Variants in CROCC observed in about 807,000 individuals in gnomAD.
The protein encoded by CROCC is rootletin.
CROCC carries 180 observed loss-of-function variants against 245.2 expected under a neutral mutation model. The ratio of observed to expected loss-of-function variants is 0.73; its 90% CI spans 0.65 to 0.83. The LOEUF (loss-of-function observed/expected upper bound fraction) is 0.83. CROCC is among the 40% of genes least tolerant of loss of function. The probability of loss-of-function intolerance (pLI) is 0.00; values close to 1 mark genes in which losing one functional copy is unlikely to be tolerated. For missense variants in CROCC, 2,688 were observed against 2,779.4 expected (o/e 0.97, Z 0.74); for synonymous variants, 1,205 against 1,241.6 (o/e 0.97, Z 0.62).
rs1261270636 is a variant in CROCC, at chr1:16,950,882, T to C, written c.2837-71T>C. The C allele has an allele frequency of 1.2e-5, 17 of 1,369,026 alleles. No individual in the cohort carries two copies. The South Asian group carries it at 2.2e-4, about 18-fold the overall frequency. The allele number at this position is 1,369,026 out of a possible 1,614,324, so 84.8% of individuals were successfully genotyped here. On this transcript the variant is annotated intron_variant, in intron 19 of 36. Transcript: ENST00000375541. The stretch of plus-strand genomic sequence containing the variant: ...TGGGATTTTGCCCATGTGGCTCACC[T>C]GGCCTAAGTCTGCTGGCCCAAGGAA...
At chr1:16,970,869 C>G in intron 35 of CROCC, 102 bp downstream of exon 35, 2 of 1,358,454 alleles carry the variant, frequency 1.5e-6, no homozygotes, top group Non-Finnish European at 1.9e-6. Flanking sequence ...CCCATAACCC[C>G]CTCCCCCAGG....
Position 16,971,618 on chromosome 1 carries a change from C to T in CROCC, c.5938C>T (p.Arg1980Cys), listed in dbSNP as rs575368695. ...CCTGGAGGCTCGGGAGCGGGCCCAC[C>T]GCCAGAGGGTGCGTGGGCTGGAGGA... ...RTLEARERAH[R>C]QRVRGLEEQV... The change falls in exon 36 of 37, where the codon CGC becomes TGC. Residue 1980 changes from arginine to cysteine, a missense_variant. Arg to Cys is a radical substitution (Grantham distance 180). Transcript: ENST00000375541. The T allele has an allele frequency of 2.0e-5, 30 of 1,512,474 alleles. No homozygotes were observed. Among genetic ancestry groups the T allele is most frequent in the South Asian group, 9.8e-5 (8 of 81,746 alleles). The allele number at this position is 1,512,474 out of a possible 1,614,324, so 93.7% of individuals were successfully genotyped here.
In CROCC at chr1:16,970,636, G is replaced by A. The variant is rs2076501238; in HGVS notation, c.5653G>A (p.Val1885Met). The A allele has an allele frequency of 6.5e-7, 1 of 1,545,444 alleles. No individual in the cohort carries two copies. The highest frequency in any genetic ancestry group is 8.7e-7 in the Non-Finnish European group (1 of 1,144,756). The stretch of plus-strand genomic sequence containing the variant: ...GATCTCCTGTGGCTCTCCTGCCTAG[G>A]TGGAGCGGGAGAAGCTTCGTAGCCA... ...RVALRRTLDK[V>M]EREKLRSHED... is the part of the protein sequence containing the mutation. Residue 1885 changes from valine (V) to methionine (M), a missense_variant and splice_region_variant, in exon 35 of 37, where the codon GTG becomes ATG. By Grantham distance (21) the Val-to-Met change is conservative (BLOSUM62 1). This residue lies in a region of CROCC where 1,218 missense variants were observed against 1,286.3 expected (regional missense o/e 0.95). Transcript: ENST00000375541.
chr1:16,946,891 A>AG lies in CROCC; in HGVS notation c.2417dup (p.Ser807LeufsTer22), dbSNP rs1557614358. 1.0e-5 allele frequency: 16 copies of AG among 1,564,484 alleles called. No individual in the cohort carries two copies. Among genetic ancestry groups the AG allele is most frequent in the Non-Finnish European group, 1.4e-5 (16 of 1,154,800 alleles). On this transcript the variant is annotated frameshift_variant, in exon 17 of 37. Transcript: ENST00000375541. LOFTEE classifies it high-confidence loss of function. ...CAGGAGGTGGCGCGGCAGGGCCTGG[A>AG]GGGCTCCCTACGAGTGGCGGAGCAG... is the stretch of plus-strand genomic sequence containing the variant.
At chr1:16,921,612 T>C (rs1276635187), upstream of CROCC, among the ~76,000 whole-genome samples, 1 of 152,294 alleles carries the variant, frequency 6.6e-6, no homozygotes, top group East Asian at 1.9e-4. Flanking sequence ...TCCCGCCGCA[T>C]GGCTACTGAC....
intron 20 of CROCC, 27 bp downstream of exon 20, chr1:16,951,149 A>G (rs1303721410): frequency 6.9e-7 from 1 of 1,457,276 alleles, no homozygotes; most frequent in African/African-American, 1.4e-5. Context: ...AGGGGTGGGC[A>G]GGACTCTGAG....
intron 25 of CROCC, 22 bp from the exon 26 acceptor site, chr1:16,958,561 T>C: frequency 6.5e-7 from 1 of 1,549,258 alleles, no homozygotes; most frequent in Non-Finnish European, 8.7e-7. Context: ...CTGAACCTGC[T>C]GCCATTCCCG....
chr1:16,952,272 C>T (rs558183654), intron 20 of CROCC, among the ~76,000 whole-genome samples: 3 of 151,592 alleles, frequency 2.0e-5, no homozygotes, highest in Non-Finnish European at 2.9e-5. Flanking sequence ...ATCACCAGGT[C>T]GGAAGATCGA....
chr1:16,923,518 G>T (rs1397591845), intron 2 of CROCC, among the ~76,000 whole-genome samples: 2 of 152,206 alleles, frequency 1.3e-5, no homozygotes, highest in South Asian at 2.1e-4. Context: ...CGCTTCTCCC[G>T]CTGGCCTTTC....
At chr1:16,940,158 C>A (rs1246956790) in intron 13 of CROCC, 65 bp downstream of exon 13, 4 of 1,505,556 alleles carry the variant, frequency 2.7e-6, no homozygotes, top group South Asian at 2.4e-5. Context: ...TAACACCAGT[C>A]AAGCCTTATG....
chr1:16,969,324 A>C lies in CROCC; in HGVS notation c.5285A>C (p.Asp1762Ala), dbSNP rs1265062462. Residue 1762 changes from aspartate to alanine, a missense_variant, in exon 32 of 37, where the codon GAC (aspartate) becomes GCC (alanine). Physicochemically the swap from Asp to Ala is moderately radical, Grantham distance 126. Around this residue, in one of 9 missense-constraint regions of CROCC, gnomAD observed 1,218 missense variants for 1,286.3 expected, o/e 0.95. Transcript: ENST00000375541. ...LQKALTACEHDRQVLQERLDA... is the reference protein window; with the variant it reads ...LQKALTACEHARQVLQERLDA... ...AAGGCTCTGACCGCCTGTGAACATG[A>C]CCGCCAAGTACTCCAGGTCTCGGGC... is the stretch of plus-strand genomic sequence containing the variant. The C allele has an allele frequency of 2.5e-6, 4 of 1,611,314 alleles. No homozygotes were observed.
At chr1:16,923,576 A>C (rs1368349537) in intron 2 of CROCC, among the ~76,000 whole-genome samples, 1 of 151,040 alleles carries the variant, frequency 6.6e-6, no homozygotes, top group African/African-American at 2.4e-5. Context: ...GACCTATGCT[A>C]TGCTCTCCTG....
At chr1:16,924,552 C>G in intron 3 of CROCC, 73 bp downstream of exon 3, 1 of 1,556,604 alleles carries the variant, frequency 6.4e-7, no homozygotes, top group South Asian at 1.2e-5. Flanking sequence ...CTAGACCAGG[C>G]CCACACACGG....
At position 16,971,362 on chromosome 1, in the gene CROCC, C is replaced by T. The variant is rs2076515692; in HGVS notation, c.5785-103C>T. The T allele has an allele frequency of 2.8e-6, 4 of 1,423,952 alleles. No homozygotes were observed. In the Admixed American group the frequency reaches 1.0e-4, roughly 36 times the overall value. The allele number at this position is 1,423,952 out of a possible 1,614,324, so 88.2% of individuals were successfully genotyped here. On this transcript the variant is annotated intron_variant, in intron 35 of 36. Transcript: ENST00000375541. ...ACACAAGGATCTCTCCTGCCTTCCCCCTCTGCACTGGCCGTGTCCCAGGGA... is the reference window on the plus strand; with the variant it reads ...ACACAAGGATCTCTCCTGCCTTCCCTCTCTGCACTGGCCGTGTCCCAGGGA...
At chr1:16,931,967 A>G (rs1002416929) in intron 8 of CROCC, among the ~76,000 whole-genome samples, 2 of 150,902 alleles carry the variant, frequency 1.3e-5, no homozygotes, top group Non-Finnish European at 2.9e-5. Flanking sequence ...GGGTTTCACC[A>G]TGTTGCCCAG....
At chr1:16,919,592 G>A (rs1221976274), upstream of CROCC, among the ~76,000 whole-genome samples, 5 of 152,268 alleles carry the variant, frequency 3.3e-5, no homozygotes, top group South Asian at 4.1e-4. Context: ...CTTAAAAGCC[G>A]AGCTCCTCGA....
intron 27 of CROCC, among the ~76,000 whole-genome samples, chr1:16,963,723 G>A (rs2076371089): frequency 6.6e-6 from 1 of 151,786 alleles, no homozygotes; most frequent in South Asian, 2.1e-4. Flanking sequence ...CAGGAGTGCT[G>A]CCAGGGAGTC....
At chr1:16,927,353 T>G (rs1487989219) in intron 3 of CROCC, among the ~76,000 whole-genome samples, 1 of 152,094 alleles carries the variant, frequency 6.6e-6, no homozygotes, top group Non-Finnish European at 1.5e-5. Context: ...AAGCATACAG[T>G]TCAACACAGC....
At position 16,961,233 on chromosome 1, in the gene CROCC, T is replaced by A. The variant is rs1391671223; in HGVS notation, c.4405+103T>A. The A allele has an allele frequency of 2.0e-5, 23 of 1,166,024 alleles. No homozygotes were observed. The East Asian group carries it at 5.0e-4, about 25-fold the overall frequency. The allele number at this position is 1,166,024 out of a possible 1,614,324, so 72.2% of individuals were successfully genotyped here. On this transcript the variant is annotated intron_variant, in intron 27 of 36. Coordinates refer to ENST00000375541, the MANE Select transcript of CROCC (RefSeq NM_014675.5). ...TTTTTGTTTTTGTTTTTGTTTTTTT[T>A]CAAGGAGCCCACCACACCTCTCCAC... is the stretch of plus-strand genomic sequence containing the variant.
Sources: gnomAD v4.1 joint callset for allele counts (sites outside exome capture counted in the v4.1 genomes callset) on GRCh38, gnomAD v4.1.1 for gene constraint, gnomAD v4.1.1 regional missense constraint, MANE v1.5 for transcripts, NCBI Gene and HGNC (gene_info 2026-07-23, HGNC 2026-07-21) for gene names.